Variants in MAN1C1 observed in about 807,000 individuals in gnomAD.
MAN1C1 encodes mannosidase alpha class 1C member 1.
In MAN1C1, 49 loss-of-function variants were observed where a neutral mutation model predicts 71.5. That is an observed-to-expected ratio of 0.69 (90% CI 0.54 to 0.87). The LOEUF (loss-of-function observed/expected upper bound fraction) is 0.87. Ranked by LOEUF, MAN1C1 falls within the 40% of genes least tolerant of loss-of-function variation. The pLI, the probability that MAN1C1 is intolerant of heterozygous loss-of-function variation, is 0.00. For missense variants in MAN1C1, 743 were observed against 835.0 expected, an observed-to-expected ratio of 0.89 and a Z score of 1.36; for synonymous variants, 352 against 343.7, an observed-to-expected ratio of 1.02 and a Z score of -0.27.
At position 25,771,533 on chromosome 1, in the gene MAN1C1, C is replaced by T. The variant is rs41312266; in HGVS notation, c.1142-124C>T. 1.4e-3 allele frequency: 951 copies of T among 687,448 alleles called. 1 individual carries two copies. The highest frequency in any genetic ancestry group is 2.1e-3 in the Non-Finnish European group (826 of 392,870). 42.6% of individuals were successfully genotyped at this position (687,448 alleles called of 1,614,324 possible). A position where few individuals can be genotyped will look rare whatever the true frequency, so the allele number is the denominator to read the frequency against. On this transcript the variant is annotated intron_variant, in intron 7 of 11. Coordinates refer to ENST00000374332, the MANE Select transcript of MAN1C1 (RefSeq NM_020379.4). ...CCATTCCAGGTTCGGTGGCTGCTGGCGAGATGCCCGCTTCCTACCCGTACA... is the reference window on the plus strand; with the variant it reads ...CCATTCCAGGTTCGGTGGCTGCTGGTGAGATGCCCGCTTCCTACCCGTACA...
intron 5 of MAN1C1, 152 bp from the exon 6 acceptor site, chr1:25,758,440 C>T (rs956581276): frequency 1.8e-5 from 12 of 661,250 alleles, no homozygotes; most frequent in African/African-American, 1.6e-4. Context: ...GGACATGGGG[C>T]CAGGGAGGAT....
At chr1:25,714,372 T>G (rs2046652106) in intron 2 of MAN1C1, among the ~76,000 whole-genome samples, 1 of 152,164 alleles carries the variant, frequency 6.6e-6, no homozygotes, top group South Asian at 2.1e-4. Flanking sequence ...GATTTGATAA[T>G]TAGGGAAAAG....
At position 25,682,422 on chromosome 1, in the gene MAN1C1, T is replaced by A. The variant is rs188849617; in HGVS notation, c.541-4018T>A. 6.6e-5 allele frequency among the ~76,000 whole-genome samples: 10 copies of A among 152,222 alleles called. No individual in the cohort carries two copies. The East Asian group carries it at 1.5e-3, about 24-fold the overall frequency. ...ACACCTACACAATCTGGCACAGAGG[T>A]GACCAGAGCGACTGTGCACTTTGGT... is the stretch of plus-strand genomic sequence containing the variant. On this transcript the variant is annotated intron_variant, in intron 1 of 11. Transcript: ENST00000374332.
intron 1 of MAN1C1, among the ~76,000 whole-genome samples, chr1:25,650,132 G>C (rs1325805064): frequency 6.6e-6 from 1 of 152,196 alleles, no homozygotes; most frequent in African/African-American, 2.4e-5. Flanking sequence ...CCACAGCTCT[G>C]CACCACTGAC....
At chr1:25,658,142 T>C (rs1572127251) in intron 1 of MAN1C1, among the ~76,000 whole-genome samples, 1 of 152,296 alleles carries the variant, frequency 6.6e-6, no homozygotes, top group Middle Eastern at 3.4e-3. Flanking sequence ...TATTAGAAAT[T>C]CAAAATCAAA....
chr1:25,750,447 G>C (rs1285171279), intron 4 of MAN1C1, among the ~76,000 whole-genome samples: 1 of 151,750 alleles, frequency 6.6e-6, no homozygotes, highest in Non-Finnish European at 1.5e-5. Context: ...GACAAATAAT[G>C]ATGCCTGCCC....
intron 1 of MAN1C1, among the ~76,000 whole-genome samples, chr1:25,672,428 A>G (rs987718178): frequency 1.3e-5 from 2 of 152,206 alleles, no homozygotes; most frequent in African/African-American, 4.8e-5. Flanking sequence ...AGTGCAGTCA[A>G]GTTGACATCT....
At chr1:25,635,438 C>CTT (rs747915977) in intron 1 of MAN1C1, among the ~76,000 whole-genome samples, 35 of 131,476 alleles carry the variant, frequency 2.7e-4, no homozygotes, top group East Asian at 4.5e-4. Flanking sequence ...TTCTTTCTTT[C>CTT]TTTTTTTTTT....
At position 25,686,583 on chromosome 1, in the gene MAN1C1, C is replaced by T. The variant is rs186391289; in HGVS notation, c.637+47C>T. 1.6e-5 allele frequency: 25 copies of T among 1,520,210 alleles called. No homozygotes were observed. The African/African-American group carries it at 1.8e-4, about 11-fold the overall frequency. 94.2% of individuals were successfully genotyped at this position (1,520,210 alleles called of 1,614,324 possible). Reference sequence around the variant, plus strand: ...TGATATTGGGAGGGACCCACCGCCCCGCCAGTGGCCGAGTGGAATTTTACT... The same window carrying T: ...TGATATTGGGAGGGACCCACCGCCCTGCCAGTGGCCGAGTGGAATTTTACT... On this transcript the variant is annotated intron_variant, in intron 2 of 11. Transcript: ENST00000374332.
chr1:25,747,509 G>T (rs2047146733), intron 3 of MAN1C1, among the ~76,000 whole-genome samples: 1 of 152,178 alleles, frequency 6.6e-6, no homozygotes, highest in Admixed American at 6.5e-5. Flanking sequence ...ACCGGGAGGG[G>T]CCGCATCCAA....
At chr1:25,777,151 G>A (rs1372575967) in intron 8 of MAN1C1, among the ~76,000 whole-genome samples, 1 of 152,164 alleles carries the variant, frequency 6.6e-6, no homozygotes, top group Non-Finnish European at 1.5e-5. Flanking sequence ...TTCTAAGCAG[G>A]CAGATGATAT....
At chr1:25,749,722 A>G (rs530042782) in intron 4 of MAN1C1, among the ~76,000 whole-genome samples, 1 of 152,244 alleles carries the variant, frequency 6.6e-6, no homozygotes, top group Admixed American at 6.5e-5. Flanking sequence ...CTGGGTCCAT[A>G]CATCATCCAC....
intron 2 of MAN1C1, among the ~76,000 whole-genome samples, chr1:25,732,737 C>A (rs925383670): frequency 6.6e-6 from 1 of 152,198 alleles, no homozygotes. Flanking sequence ...GCTAAGCTAT[C>A]CCAGCAACTA....
At chr1:25,749,215 A>G in intron 3 of MAN1C1, 40 bp from the exon 4 acceptor site, 1 of 1,564,576 alleles carries the variant, frequency 6.4e-7, no homozygotes, top group Non-Finnish European at 8.8e-7. Context: ...TGCATCTTAC[A>G]AGTGTCCCCA....
rs546969735 is a variant in MAN1C1 at position 25,730,435 on chromosome 1, T to C, written c.638-16233T>C. On this transcript the variant is annotated intron_variant, in intron 2 of 11. Transcript: ENST00000374332. The surrounding 1 kb of genome is among the most constrained non-coding windows in gnomAD (Gnocchi z 4.3). Reference sequence around the variant, plus strand: ...TTTTTTTTAGTTTTCTCAGCCATCCTCGAAAACCTTAGCTGAGAATGACAA... The same window carrying C: ...TTTTTTTTAGTTTTCTCAGCCATCCCCGAAAACCTTAGCTGAGAATGACAA... Among the ~76,000 whole-genome samples the C allele has an allele frequency of 1.7e-4, 26 of 152,008 alleles. 1 individual carries two copies. The highest frequency in any genetic ancestry group is 1.2e-3 in the Admixed American group (18 of 15,276).
rs2047668074 is a variant in MAN1C1 at position 25,779,683 on chromosome 1, G to A, written c.1478-1257G>A. ...AGTGGCTCCTGCCTTCACCCCACTA[G>A]CGACTTGGCAAAATGACTGTTTTCT... On this transcript the variant is annotated intron_variant, in intron 9 of 11. Transcript: ENST00000374332. The surrounding 1 kb of genome is among the most constrained non-coding windows in gnomAD (Gnocchi z 4.6). 6.6e-6 allele frequency among the ~76,000 whole-genome samples: 1 copy of A among 151,294 alleles called. No homozygotes were observed. Among genetic ancestry groups the A allele is most frequent in the Non-Finnish European group, 1.5e-5 (1 of 67,780 alleles).
rs1182853849 is a variant in MAN1C1 at position 25,782,628 on chromosome 1, T to C, written c.1694T>C (p.Ile565Thr). The C allele has an allele frequency of 6.2e-7, 1 of 1,613,938 alleles. No individual in the cohort carries two copies. The highest frequency in any genetic ancestry group is 1.3e-5 in the African/African-American group (1 of 74,886). The change falls in exon 11 of 12, where the codon ATC (isoleucine) becomes ACC (threonine). Residue 565 changes from isoleucine to threonine, a missense_variant. By Grantham distance (89) the Ile-to-Thr change is moderately conservative (BLOSUM62 -1). Transcript: ENST00000374332. The surrounding 1 kb of genome is among the most constrained non-coding windows in gnomAD (Gnocchi z 4.4). Reference sequence around the variant, plus strand: ...CGGACAGAAGCCGGTTTCTCTGGGATCCAAGACGTGTACAGTAGCACCCCC... The same window carrying C: ...CGGACAGAAGCCGGTTTCTCTGGGACCCAAGACGTGTACAGTAGCACCCCC... ...YCRTEAGFSG[I>T]QDVYSSTPNH... is the part of the protein sequence containing the mutation.
intron 1 of MAN1C1, among the ~76,000 whole-genome samples, chr1:25,641,701 C>G (rs2045539586): frequency 6.6e-6 from 1 of 152,184 alleles, no homozygotes; most frequent in African/African-American, 2.4e-5. Context: ...CTCGACTTAT[C>G]TCTTTTCTGG....
In MAN1C1 at chr1:25,753,516, G is replaced by GA. The variant is rs919186300; in HGVS notation, c.869dup (p.Leu291AlafsTer49). 6.2e-7 allele frequency: 1 copy of GA among 1,613,860 alleles called. No individual in the cohort carries two copies. Among genetic ancestry groups the GA allele is most frequent in the Non-Finnish European group, 8.5e-7 (1 of 1,179,960 alleles). On this transcript the variant is annotated frameshift_variant, in exon 5 of 12. Coordinates refer to ENST00000374332, the MANE Select transcript of MAN1C1 (RefSeq NM_020379.4). LOFTEE classifies it high-confidence loss of function. The surrounding 1 kb of genome is among the most constrained non-coding windows in gnomAD (Gnocchi z 4.9). ...GAATAAAGGCCATCAGGCTGGGAGAGAAGCTCCTGCCGGCGTTCAACACCC... is the reference window on the plus strand; with the variant it reads ...GAATAAAGGCCATCAGGCTGGGAGAGAAAGCTCCTGCCGGCGTTCAACACCC...
Sources: allele counts gnomAD v4.1 joint callset (sites outside exome capture counted in the v4.1 genomes callset), GRCh38; gene constraint gnomAD v4.1.1; non-coding constraint Gnocchi (gnomAD v3.1); transcripts MANE v1.5; gene names NCBI Gene and HGNC (gene_info 2026-07-23, HGNC 2026-07-21).